The following PDE11A variants were observed in gnomAD, a reference collection of about 807,000 sequenced individuals.
The protein encoded by PDE11A is phosphodiesterase 11A.
In PDE11A, 100 loss-of-function variants were observed where a neutral mutation model predicts 100.5. The observed-to-expected ratio is 1.00, with a 90% CI of 0.85 to 1.18. PDE11A has a LOEUF of 1.18. PDE11A is among the 50% of genes most tolerant of loss of function. The probability of loss-of-function intolerance (pLI) is 0.00; values close to 1 mark genes in which losing one functional copy is unlikely to be tolerated. For synonymous variants in PDE11A, 381 were observed against 420.8 expected, an observed-to-expected ratio of 0.91 and a Z score of 1.16; for missense variants, 1,141 against 1,152.6, an observed-to-expected ratio of 0.99 and a Z score of 0.15.
chr2:177,749,193 T>TTTCG (rs2081994012), intron 10 of PDE11A, among the ~76,000 whole-genome samples: 1 of 149,750 alleles, frequency 6.7e-6, no homozygotes, highest in Non-Finnish European at 1.5e-5. Flanking sequence ...AATACAGGAG[T>TTTCG]TTTGTTTGTT....
intron 2 of PDE11A, among the ~76,000 whole-genome samples, chr2:177,979,311 A>T (rs1419767593): frequency 1.3e-5 from 2 of 150,494 alleles, no homozygotes; most frequent in African/African-American, 4.8e-5. Flanking sequence ...CTTTATAAAC[A>T]ATGTGTTGGG....
rs2087152046 is a variant in PDE11A at position 178,072,588 on chromosome 2, G to A, written c.-151C>T. On this transcript the variant is annotated 5_prime_UTR_variant, in exon 1 of 20. Coordinates refer to ENST00000286063, the MANE Select transcript of PDE11A (RefSeq NM_016953.4). ...AGATTATTCCCAGCAGTGGAATCTGGGAGATGCCCCTTCCTTCTCTGGCTC... is the reference window on the plus strand; with the variant it reads ...AGATTATTCCCAGCAGTGGAATCTGAGAGATGCCCCTTCCTTCTCTGGCTC... 1.3e-6 allele frequency: 2 copies of A among 1,520,166 alleles called. No homozygotes were observed. Among genetic ancestry groups the A allele is most frequent in the Admixed American group, 2.0e-5 (1 of 50,394 alleles). The allele number at this position is 1,520,166 out of a possible 1,614,324, so 94.2% of individuals were successfully genotyped here.
intron 10 of PDE11A, among the ~76,000 whole-genome samples, chr2:177,749,010 A>C (rs1320295709): frequency 6.6e-6 from 1 of 152,204 alleles, no homozygotes; most frequent in Non-Finnish European, 1.5e-5. Context: ...CACAACTAGA[A>C]ATTTTGTGCT....
chr2:178,094,810 C>T (rs777228327), intron 2 of PDE11A, among the ~76,000 whole-genome samples: 6 of 152,108 alleles, frequency 3.9e-5, no homozygotes, highest in Non-Finnish European at 7.4e-5. Context: ...GAAGAGGAAG[C>T]AAGCACCTTC....
intron 2 of PDE11A, among the ~76,000 whole-genome samples, chr2:177,996,851 C>A (rs1025035955): frequency 1.3e-5 from 2 of 152,182 alleles, no homozygotes; most frequent in African/African-American, 4.8e-5. Flanking sequence ...TCTTTATCAG[C>A]AGAACTAGAC....
At chr2:177,971,301 C>T (rs568825486) in intron 2 of PDE11A, among the ~76,000 whole-genome samples, 96 of 152,284 alleles carry the variant, frequency 6.3e-4, no homozygotes, top group African/African-American at 2.2e-3. Context: ...TATTGATTTT[C>T]TCCCACACAA....
chr2:177,684,456 T>G (rs577660415), intron 15 of PDE11A, among the ~76,000 whole-genome samples: 2 of 152,294 alleles, frequency 1.3e-5, no homozygotes, highest in African/African-American at 4.8e-5. Context: ...AACAAAATTC[T>G]AAATAAAGAC....
chr2:177,776,260 C>T (rs1306625697), intron 9 of PDE11A, among the ~76,000 whole-genome samples: 1 of 152,118 alleles, frequency 6.6e-6, no homozygotes, highest in African/African-American at 2.4e-5. Context: ...CATATGCATA[C>T]TTAAAATTGA....
intron 9 of PDE11A, among the ~76,000 whole-genome samples, chr2:177,773,653 G>A (rs7563242): frequency 0.33 from 49,907 of 151,974 alleles, 8,566 homozygotes; most frequent in African/African-American, 0.38. Context: ...TTACCTTCTG[G>A]ATCTTCTTGT....
chr2:177,690,281 T>C (rs2081023728), intron 15 of PDE11A, among the ~76,000 whole-genome samples: 1 of 152,186 alleles, frequency 6.6e-6, no homozygotes, highest in African/African-American at 2.4e-5. Context: ...TGTTAAAATA[T>C]AATAATGTTT....
At chr2:178,086,559 T>C (rs911918990) in intron 2 of PDE11A, among the ~76,000 whole-genome samples, 1 of 152,222 alleles carries the variant, frequency 6.6e-6, no homozygotes, top group African/African-American at 2.4e-5. Flanking sequence ...CAGCAATTTA[T>C]AGAGCCATGA....
At chr2:178,038,304 A>C (rs1157066344) in intron 1 of PDE11A, among the ~76,000 whole-genome samples, 1 of 138,216 alleles carries the variant, frequency 7.2e-6, no homozygotes, top group African/African-American at 2.7e-5. Context: ...ACCATCCCCC[A>C]CCTCAGATAA....
chr2:178,093,664 C>T (rs936532013), intron 2 of PDE11A, among the ~76,000 whole-genome samples: 5 of 152,142 alleles, frequency 3.3e-5, no homozygotes, highest in Middle Eastern at 3.2e-3. Flanking sequence ...AGTGAAATGA[C>T]ACCTTTCACT....
chr2:177,908,326 CA>C (rs2084823193), intron 2 of PDE11A, among the ~76,000 whole-genome samples: 1 of 152,156 alleles, frequency 6.6e-6, no homozygotes, highest in African/African-American at 2.4e-5. Context: ...CAACCATTCT[CA>C]GGGGGCAATT....
chr2:177,633,845 T>C (rs1280969707), intron 19 of PDE11A, among the ~76,000 whole-genome samples: 2 of 152,226 alleles, frequency 1.3e-5, no homozygotes, highest in Admixed American at 6.5e-5. Flanking sequence ...ATTTTCCTGC[T>C]ACAAAAGCAT....
chr2:177,941,187 T>C (rs1296627846), intron 2 of PDE11A, among the ~76,000 whole-genome samples: 1 of 152,186 alleles, frequency 6.6e-6, no homozygotes, highest in East Asian at 1.9e-4. Context: ...ATTTAGGTAT[T>C]ACTAACTCAT....
At chr2:177,660,104 T>C (rs2080460642) in intron 19 of PDE11A, among the ~76,000 whole-genome samples, 1 of 35,824 alleles carries the variant, frequency 2.8e-5, no homozygotes, top group African/African-American at 7.1e-5. Flanking sequence ...TCTTTCTCTC[T>C]CTCTCTCTTT....
Position 177,776,859 on chromosome 2 carries a change from A to C in PDE11A, c.1738-7486T>G, listed in dbSNP as rs916301438. Among the ~76,000 whole-genome samples the C allele has an allele frequency of 1.4e-4, 21 of 152,258 alleles. No individual in the cohort carries two copies. In the Middle Eastern group the frequency reaches 0.01, roughly 74 times the overall value. ...CCAACCAAATCTCATCTTGGATTGT[A>C]GTTCCCATAATGTCTATATGTCATG... On this transcript the variant is annotated intron_variant, in intron 9 of 19. Transcript: ENST00000286063.
chr2:177,959,268 C>T (rs1225659527), intron 2 of PDE11A, among the ~76,000 whole-genome samples: 6 of 152,004 alleles, frequency 3.9e-5, no homozygotes, highest in South Asian at 2.1e-4. Context: ...GGAAAGAAGA[C>T]GGAAAGGTGT....
Sources: allele counts gnomAD v4.1 joint callset (sites outside exome capture counted in the v4.1 genomes callset), GRCh38; gene constraint gnomAD v4.1.1; transcripts MANE v1.5; gene names NCBI Gene and HGNC (gene_info 2026-07-23, HGNC 2026-07-21).